The following EPHB2 variants were observed in gnomAD, a reference collection of about 807,000 sequenced individuals.
EPHB2 encodes EPH receptor B2, also known as ephrin type-B receptor 2.
A neutral mutation model predicts 96.4 loss-of-function variants in EPHB2; 18 were observed. That is an observed-to-expected ratio of 0.19 (90% CI 0.13 to 0.28). The LOEUF (loss-of-function observed/expected upper bound fraction) is 0.28, where lower values mean the gene tolerates loss of function less well. EPHB2 is among the 10% of genes least tolerant of loss of function. The pLI, the probability that EPHB2 is intolerant of heterozygous loss-of-function variation, is 1.00. For missense variants in EPHB2, 989 were observed against 1,355.4 expected (o/e 0.73, Z 4.25); for synonymous variants, 506 against 534.1 (o/e 0.95, Z 0.72).
chr1:22,860,687 G>C lies in EPHB2; in HGVS notation c.812-2350G>C, dbSNP rs1557718459. Among the ~76,000 whole-genome samples, 2 of 152,178 alleles carry C rather than the reference G, an allele frequency of 1.3e-5. No homozygotes were observed. The highest frequency in any genetic ancestry group is 2.9e-5 in the Non-Finnish European group (2 of 68,032). ...GGCTGTCTCCAGAGAGGGAGCAGGA[G>C]GAGCCTGATCTTGGGGCCAAAACCC... is the stretch of plus-strand genomic sequence containing the variant. On this transcript the variant is annotated intron_variant, in intron 3 of 15. Transcript: ENST00000374630. The surrounding 1 kb of genome is among the most constrained non-coding windows in gnomAD (Gnocchi z 4.6).
At position 22,785,095 on chromosome 1, in the gene EPHB2, C is replaced by T; in HGVS notation, c.811+19C>T. 6.2e-7 allele frequency: 1 copy of T among 1,613,230 alleles called. No homozygotes were observed. Among genetic ancestry groups the T allele is most frequent in the Non-Finnish European group, 8.5e-7 (1 of 1,180,004 alleles). On this transcript the variant is annotated intron_variant, in intron 3 of 15. Transcript: ENST00000374630. The stretch of plus-strand genomic sequence containing the variant: ...TGCCGAGGTAAGGGCCAGGGTGGGG[C>T]ACGTGCCCCTGCAAATGCATAGAAC...
chr1:22,759,957 C>G (rs971465497), intron 1 of EPHB2, among the ~76,000 whole-genome samples: 3 of 152,220 alleles, frequency 2.0e-5, no homozygotes, highest in Admixed American at 1.3e-4. Flanking sequence ...CGGATCCCAC[C>G]CATGCAACAT....
intron 3 of EPHB2, among the ~76,000 whole-genome samples, chr1:22,848,969 C>T (rs901785244): frequency 5.3e-5 from 8 of 152,106 alleles, no homozygotes; most frequent in African/African-American, 1.9e-4. Context: ...CTCCGTTTCT[C>T]ATCTGTACAA....
At chr1:22,824,954 G>C (rs1317001720) in intron 3 of EPHB2, among the ~76,000 whole-genome samples, 1 of 152,220 alleles carries the variant, frequency 6.6e-6, no homozygotes, top group African/African-American at 2.4e-5. Context: ...CTCCTCTGCA[G>C]CCCTGCGGGA....
In EPHB2 at chr1:22,918,603, C is replaced by T. The variant is rs766470136; in HGVS notation, c.*5033C>T. The T allele has an allele frequency of 1.3e-5, 2 of 152,180 alleles. No homozygotes were observed. Among genetic ancestry groups the T allele is most frequent in the Non-Finnish European group, 2.9e-5 (2 of 68,030 alleles). The allele number at this position is 152,180 out of a possible 1,614,324, so 9.4% of individuals were successfully genotyped here. A position where few individuals can be genotyped will look rare whatever the true frequency, so the allele number is the denominator to read the frequency against. ...TGCTGTGTGATGCTACATACGCATG[C>T]GAATACACCACCGGGTGGCCTTGAC... On this transcript the variant is annotated 3_prime_UTR_variant, in exon 16 of 16. Coordinates refer to ENST00000374630, the MANE Select transcript of EPHB2 (RefSeq NM_017449.5). This position sits in a 1 kb window ranked among gnomAD's most constrained non-coding sequence, Gnocchi z 4.2.
chr1:22,785,084 CCAGGGT>C lies in EPHB2; in HGVS notation c.811+9_811+14del. The C allele has an allele frequency of 1.2e-6, 2 of 1,613,418 alleles. No homozygotes were observed. The highest frequency in any genetic ancestry group is 2.2e-5 in the South Asian group (2 of 91,080). ...ATGGCACCGTCTGCCGAGGTAAGGG[CCAGGGT>C]GGGGCACGTGCCCCTGCAAATGCAT... On this transcript the variant is annotated intron_variant, in intron 3 of 15. Transcript: ENST00000374630.
At chr1:22,803,170 C>T (rs1644869865) in intron 3 of EPHB2, among the ~76,000 whole-genome samples, 1 of 152,174 alleles carries the variant, frequency 6.6e-6, no homozygotes, top group African/African-American at 2.4e-5. Flanking sequence ...AGGGCATCTC[C>T]TGTCCCTCAA....
chr1:22,730,193 A>G (rs1643675760), intron 1 of EPHB2, among the ~76,000 whole-genome samples: 1 of 152,220 alleles, frequency 6.6e-6, no homozygotes, highest in African/African-American at 2.4e-5. Context: ...TCCTGGATGG[A>G]CAGATGAGGC....
rs1489243147 is a variant in EPHB2 at position 22,916,853 on chromosome 1, TG to T, written c.*3286del. The T allele has an allele frequency of 3.3e-5, 5 of 152,238 alleles. No individual in the cohort carries two copies. Among genetic ancestry groups the T allele is most frequent in the Non-Finnish European group, 7.3e-5 (5 of 68,094 alleles). 9.4% of individuals were successfully genotyped at this position (152,238 alleles called of 1,614,324 possible). On this transcript the variant is annotated 3_prime_UTR_variant, in exon 16 of 16. Transcript: ENST00000374630. The surrounding 1 kb of genome is among the most constrained non-coding windows in gnomAD (Gnocchi z 4.2). The stretch of plus-strand genomic sequence containing the variant: ...CTAGCAGAGCTGTGCAGCGCCAGGC[TG>T]GGTAGGAGAGAGCCATGCTACCCAC...
At chr1:22,903,972 T>C (rs1409119178) in intron 9 of EPHB2, among the ~76,000 whole-genome samples, 1 of 152,138 alleles carries the variant, frequency 6.6e-6, no homozygotes, top group Admixed American at 6.5e-5. Context: ...GAAAAACATA[T>C]ACATGTATAA....
At chr1:22,739,785 G>A (rs532231300) in intron 1 of EPHB2, among the ~76,000 whole-genome samples, 2 of 152,258 alleles carry the variant, frequency 1.3e-5, no homozygotes, top group Non-Finnish European at 2.9e-5. Flanking sequence ...CCAGAAGCTG[G>A]GAGTAGAAGG....
chr1:22,712,967 G>A (rs1308416991), intron 1 of EPHB2, among the ~76,000 whole-genome samples: 1 of 152,180 alleles, frequency 6.6e-6, no homozygotes, highest in African/African-American at 2.4e-5. Context: ...ATTACTCTGG[G>A]GTAGATGGAA....
chr1:22,727,313 A>G (rs1643602183), intron 1 of EPHB2, among the ~76,000 whole-genome samples: 1 of 152,248 alleles, frequency 6.6e-6, no homozygotes, highest in African/African-American at 2.4e-5. Context: ...TCCTTGGTGG[A>G]TGGGCCACAA....
At chr1:22,811,969 G>A (rs1218306601) in intron 3 of EPHB2, among the ~76,000 whole-genome samples, 1 of 152,202 alleles carries the variant, frequency 6.6e-6, no homozygotes, top group Non-Finnish European at 1.5e-5. Context: ...AGCCTAAGAG[G>A]TCGAGGCTGC....
At position 22,739,424 on chromosome 1, in the gene EPHB2, C is replaced by T. The variant is rs533705926; in HGVS notation, c.61+28381C>T. Among the ~76,000 whole-genome samples the T allele has an allele frequency of 2.6e-5, 4 of 152,268 alleles. No individual in the cohort carries two copies. The South Asian group carries it at 8.3e-4, about 32-fold the overall frequency. On this transcript the variant is annotated intron_variant, in intron 1 of 15. Coordinates refer to ENST00000374630, the MANE Select transcript of EPHB2 (RefSeq NM_017449.5). ...AGAGATGGGGGTTCACCTTGTTGGC[C>T]AGGCTGGTCTCAAATTCCTGACCTC...
rs1161865934 is a variant in EPHB2, at chr1:22,906,143, C to A, written c.1888+34C>A. 6.2e-7 allele frequency: 1 copy of A among 1,614,062 alleles called. No homozygotes were observed. Among genetic ancestry groups the A allele is most frequent in the Admixed American group, 1.7e-5 (1 of 60,002 alleles). ...CTGGTACTCTCACATGTACTATGAC[C>A]TTAGCCATGGCTGGTGAGACCACCC... On this transcript the variant is annotated intron_variant, in intron 10 of 15. Coordinates refer to ENST00000374630, the MANE Select transcript of EPHB2 (RefSeq NM_017449.5). The surrounding 1 kb of genome is among the most constrained non-coding windows in gnomAD (Gnocchi z 4.8).
chr1:22,847,173 A>G (rs1226511951), intron 3 of EPHB2, among the ~76,000 whole-genome samples: 1 of 152,248 alleles, frequency 6.6e-6, no homozygotes, highest in African/African-American at 2.4e-5. Context: ...CACACACTCT[A>G]TGCTTATTAA....
At chr1:22,826,702 G>C (rs531560994) in intron 3 of EPHB2, among the ~76,000 whole-genome samples, 1 of 152,322 alleles carries the variant, frequency 6.6e-6, no homozygotes, top group African/African-American at 2.4e-5. Context: ...CTGGCTCACT[G>C]TGTCTCCGCA....
At chr1:22,715,369 A>C (rs1643265520) in intron 1 of EPHB2, among the ~76,000 whole-genome samples, 2 of 152,082 alleles carry the variant, frequency 1.3e-5, no homozygotes, top group Non-Finnish European at 2.9e-5. Context: ...CTAGGTAGAC[A>C]AGTCCACTTC....
Sources: gnomAD v4.1 joint callset for allele counts (sites outside exome capture counted in the v4.1 genomes callset) on GRCh38, gnomAD v4.1.1 for gene constraint, Gnocchi (gnomAD v3.1) non-coding constraint, MANE v1.5 for transcripts, NCBI Gene and HGNC (gene_info 2026-07-23, HGNC 2026-07-21) for gene names.